Variants in ENPP2 observed in about 807,000 individuals in gnomAD.
The protein encoded by ENPP2 is autotaxin.
ENPP2 carries 51 observed loss-of-function variants against 120.2 expected under a neutral mutation model. The ratio of observed to expected loss-of-function variants is 0.42; its 90% CI spans 0.34 to 0.54. The LOEUF (loss-of-function observed/expected upper bound fraction) is 0.54, where lower values mean the gene tolerates loss of function less well. Among genes scored for constraint, ENPP2 ranks in the 20% least tolerant of loss-of-function variants. The pLI, the probability that ENPP2 is intolerant of heterozygous loss-of-function variation, is 0.04. For synonymous variants in ENPP2, 365 were observed against 366.4 expected (o/e 1.00, Z 0.04); for missense variants, 920 against 1,066.5 (o/e 0.86, Z 1.91).
At position 119,564,869 on chromosome 8, in the gene ENPP2, C is replaced by T; in HGVS notation, c.2218G>A (p.Asp740Asn). ...GVNVISGPIF[D>N]YDYDGLHDTE... Reference sequence around the variant, plus strand: ...TCATGTAAGCCATCATAGTCATAGTCGAAGATTGGTCCACTTATCACGTTA... The same window carrying T: ...TCATGTAAGCCATCATAGTCATAGTTGAAGATTGGTCCACTTATCACGTTA... The change falls in exon 23 of 25, where the codon GAC (aspartate) becomes AAC (asparagine). Residue 740 changes from aspartate (D) to asparagine (N), a missense_variant. Physicochemically the swap from Asp to Asn is conservative, Grantham distance 23. Transcript: ENST00000075322. 1.9e-6 allele frequency: 3 copies of T among 1,613,324 alleles called. No individual in the cohort carries two copies. Among genetic ancestry groups the T allele is most frequent in the Middle Eastern group, 1.7e-4 (1 of 6,058 alleles).
upstream of ENPP2, among the ~76,000 whole-genome samples, chr8:119,642,348 A>C (rs78681130): frequency 5.8e-3 from 881 of 152,150 alleles, 12 homozygotes; most frequent in African/African-American, 0.02. Context: ...TTACTGACAT[A>C]CTTTGTTTAG....
At chr8:119,650,013 G>T (rs1817582312) in intron 1 of ENPP2, among the ~76,000 whole-genome samples, 1 of 152,168 alleles carries the variant, frequency 6.6e-6, no homozygotes, top group Non-Finnish European at 1.5e-5. Flanking sequence ...TAACTCAAAA[G>T]TTCCACTCTT....
chr8:119,667,095 A>G (rs1818095247), intron 1 of ENPP2, among the ~76,000 whole-genome samples: 1 of 152,178 alleles, frequency 6.6e-6, no homozygotes, highest in African/African-American at 2.4e-5. Flanking sequence ...GCTGCTGTTA[A>G]TAGCTGCAGG....
At chr8:119,574,197 A>G (rs1403396319) in intron 19 of ENPP2, among the ~76,000 whole-genome samples, 1 of 152,124 alleles carries the variant, frequency 6.6e-6, no homozygotes, top group African/African-American at 2.4e-5. Context: ...TGACTCTCCT[A>G]GTCTTTATGA....
chr8:119,631,265 G>A (rs1179687089), intron 2 of ENPP2, among the ~76,000 whole-genome samples: 1 of 134,956 alleles, frequency 7.4e-6, no homozygotes, highest in African/African-American at 2.8e-5. Context: ...CACCCAGGCT[G>A]GAGTGCAGTG....
intron 1 of ENPP2, among the ~76,000 whole-genome samples, chr8:119,644,626 A>ATATATATATATG: frequency 1.8e-5 from 1 of 54,396 alleles, no homozygotes; most frequent in East Asian, 6.8e-4. Flanking sequence ...ATATATATAT[A>ATATATATATATG]CACACACACA....
In ENPP2 at chr8:119,638,740, T is replaced by C. The variant is rs1210307902; in HGVS notation, c.33+8A>G. ...AGCATGTCCCCCGTCATTCCTCCGT[T>C]CTCCCACCTGACACGACTGGAACGA... On this transcript the variant is annotated splice_region_variant and intron_variant, in intron 1 of 24. Coordinates refer to ENST00000075322, the MANE Select transcript of ENPP2 (RefSeq NM_001040092.3). 3.9e-6 allele frequency: 6 copies of C among 1,527,648 alleles called. No individual in the cohort carries two copies. The highest frequency in any genetic ancestry group is 5.4e-6 in the Non-Finnish European group (6 of 1,100,942). 94.6% of individuals were successfully genotyped at this position (1,527,648 alleles called of 1,614,324 possible).
chr8:119,666,564 C>G (rs756484623), intron 1 of ENPP2, among the ~76,000 whole-genome samples: 1 of 152,020 alleles, frequency 6.6e-6, no homozygotes, highest in Non-Finnish European at 1.5e-5. Flanking sequence ...GCAGATCACC[C>G]AAGGTCAGGA....
At chr8:119,577,411 C>T (rs1221025845) in intron 19 of ENPP2, among the ~76,000 whole-genome samples, 2 of 152,086 alleles carry the variant, frequency 1.3e-5, no homozygotes, top group African/African-American at 4.8e-5. Context: ...AAATTTATGA[C>T]ACAGGAAACA....
At position 119,582,598 on chromosome 8, in the gene ENPP2, G is replaced by A. The variant is rs1328527324; in HGVS notation, c.1548C>T (p.Leu516=). 1.5e-5 allele frequency: 24 copies of A among 1,608,680 alleles called. No homozygotes were observed. The highest frequency in any genetic ancestry group is 2.2e-5 in the South Asian group (2 of 90,534). The change falls in exon 18 of 25, where the codon CTC becomes CTT. Residue 516 remains leucine (L), a synonymous_variant. Coordinates refer to ENST00000075322, the MANE Select transcript of ENPP2 (RefSeq NM_001040092.3). Reference sequence around the variant, plus strand: ...TATTAGGAGCTGGCTTCAATCCCAGGAGATCTAATGAAAATTAAGAAAAGG... The same window carrying A: ...TATTAGGAGCTGGCTTCAATCCCAGAAGATCTAATGAAAATTAAGAAAAGG... ...NIELYNVMCD[L]LGLKPAPNNG... is the part of the protein sequence containing the mutation.
At chr8:119,652,864 C>A (rs1044905856) in intron 1 of ENPP2, among the ~76,000 whole-genome samples, 1 of 152,190 alleles carries the variant, frequency 6.6e-6, no homozygotes, top group Non-Finnish European at 1.5e-5. Flanking sequence ...ACAGCCAGAT[C>A]TATCTATCTG....
intron 20 of ENPP2, 46 bp downstream of exon 20, chr8:119,570,659 G>A (rs1039641690): frequency 3.8e-6 from 4 of 1,054,656 alleles, no homozygotes; most frequent in African/African-American, 3.3e-5. Flanking sequence ...ATTAACATGA[G>A]GAATGTAATA....
chr8:119,560,888 T>TCA (rs1464177296), intron 24 of ENPP2, among the ~76,000 whole-genome samples: 3 of 150,778 alleles, frequency 2.0e-5, no homozygotes, highest in African/African-American at 7.5e-5. Flanking sequence ...AGGGGAGAGA[T>TCA]CATATATATA....
At chr8:119,643,876 G>A (rs1454936572) in intron 1 of ENPP2, among the ~76,000 whole-genome samples, 2 of 152,220 alleles carry the variant, frequency 1.3e-5, no homozygotes, top group African/African-American at 4.8e-5. Flanking sequence ...GGAAGGGTGT[G>A]TGGGAGTGAG....
intron 4 of ENPP2, 126 bp downstream of exon 4, chr8:119,621,268 A>G: frequency 1.3e-6 from 1 of 778,478 alleles, no homozygotes. Context: ...AGAAATTAAA[A>G]AGGACAATTC....
chr8:119,587,191 T>G lies in ENPP2; in HGVS notation c.1208-116A>C. 3 of 836,056 alleles carry G rather than the reference T, an allele frequency of 3.6e-6. No individual in the cohort carries two copies. The South Asian group carries it at 4.5e-5, about 13-fold the overall frequency. The allele number at this position is 836,056 out of a possible 1,614,324, so 51.8% of individuals were successfully genotyped here. ...TTCCATCCCACAGAAGACTATCACT[T>G]TAGTGTTTTGTTTGAAAGATAAATA... On this transcript the variant is annotated intron_variant, in intron 13 of 24. Coordinates refer to ENST00000075322, the MANE Select transcript of ENPP2 (RefSeq NM_001040092.3).
Position 119,658,352 on chromosome 8 carries a change from C to A in ENPP2, c.21+14900G>T, listed in dbSNP as rs1213869284. Among the ~76,000 whole-genome samples the A allele has an allele frequency of 2.0e-5, 3 of 152,160 alleles. No homozygotes were observed. The East Asian group carries it at 5.8e-4, about 29-fold the overall frequency. ...GTGGTGCAATCATAGCTAACTTCAG[C>A]CTCAAACTCCTGGGCTCAAGGGATC... On this transcript the variant is annotated intron_variant, in intron 1 of 25. Transcript: ENST00000427067.
chr8:119,557,837 A>T, intron 24 of ENPP2, 146 bp from the exon 25 acceptor site: 1 of 569,792 alleles, frequency 1.8e-6, no homozygotes. Flanking sequence ...CCTCCCTGCC[A>T]CTCTACCGCA....
In ENPP2 at chr8:119,590,541, C is replaced by T; in HGVS notation, c.1171G>A (p.Gly391Arg). The change falls in exon 13 of 25, where the codon GGA becomes AGA. Residue 391 changes from glycine to arginine, a missense_variant. Physicochemically the swap from Gly to Arg is moderately radical, Grantham distance 125 (BLOSUM62 -2). Transcript: ENST00000075322. ...TTGCTAAATTTGGATCGAATTCTTC[C>T]TAGAGTTCCAGGCACTAAAGTAATA... ...DDITLVPGTLGRIRSKFSNNA... is the reference protein window; with the variant it reads ...DDITLVPGTLRRIRSKFSNNA... 6.3e-7 allele frequency: 1 copy of T among 1,597,752 alleles called. No homozygotes were observed.
Sources: allele counts gnomAD v4.1 joint callset (sites outside exome capture counted in the v4.1 genomes callset), GRCh38; gene constraint gnomAD v4.1.1; transcripts MANE v1.5; gene names NCBI Gene and HGNC (gene_info 2026-07-23, HGNC 2026-07-21).